The following KLF13 variants were observed in gnomAD, a reference collection of about 807,000 sequenced individuals.
The protein encoded by KLF13 is KLF transcription factor 13.
In KLF13, 8 loss-of-function variants were observed where a neutral mutation model predicts 16.7. That is an observed-to-expected ratio of 0.48 (90% CI 0.28 to 0.87). The LOEUF is 0.87. Among genes scored for constraint, KLF13 ranks in the 40% least tolerant of loss-of-function variants. The pLI, the probability that KLF13 is intolerant of heterozygous loss-of-function variation, is 0.10. For missense variants in KLF13, 447 were observed against 452.2 expected (o/e 0.99, Z 0.10); for synonymous variants, 245 against 208.4 (o/e 1.18, Z -1.51).
chr15:31,328,897 C>T lies in KLF13; in HGVS notation c.577+1108C>T, dbSNP rs888310154. On this transcript the variant is annotated intron_variant, in intron 1 of 1. Coordinates refer to ENST00000307145, the MANE Select transcript of KLF13 (RefSeq NM_015995.4). Reference sequence around the variant, plus strand: ...TCTACCTTGGGGGCAGGCTCAAAACCCGTCTACTGAATACTGTTGTCTTGT... The same window carrying T: ...TCTACCTTGGGGGCAGGCTCAAAACTCGTCTACTGAATACTGTTGTCTTGT... 2.6e-5 allele frequency among the ~76,000 whole-genome samples: 4 copies of T among 152,190 alleles called. No individual in the cohort carries two copies. In the South Asian group the frequency reaches 6.2e-4, roughly 24 times the overall value.
At chr15:31,380,591 G>T (rs1272956285), downstream of KLF13, among the ~76,000 whole-genome samples, 5 of 152,204 alleles carry the variant, frequency 3.3e-5, no homozygotes, top group East Asian at 5.8e-4. Flanking sequence ...GCTGCAGAAG[G>T]TCTTGAATAA....
chr15:31,340,494 C>T (rs958368157), intron 1 of KLF13, among the ~76,000 whole-genome samples: 1 of 152,238 alleles, frequency 6.6e-6, no homozygotes, highest in South Asian at 2.1e-4. Context: ...TCTTGTCATC[C>T]TTTCTCTGTT....
intron 1 of KLF13, among the ~76,000 whole-genome samples, chr15:31,426,199 A>G (rs576264980): frequency 2.0e-5 from 3 of 152,282 alleles, no homozygotes; most frequent in Non-Finnish European, 2.9e-5. Context: ...ACATTTTTCT[A>G]TCTTTTTCTG....
chr15:31,394,989 G>C (rs115076268), intron 2 of KLF13, among the ~76,000 whole-genome samples: 4,450 of 152,054 alleles, frequency 0.029, 208 homozygotes, highest in African/African-American at 0.1. Flanking sequence ...GTTTTGTTTT[G>C]TTTTGTTTTA....
intron 1 of KLF13, among the ~76,000 whole-genome samples, chr15:31,329,021 C>T (rs1241438222): frequency 1.3e-5 from 2 of 152,054 alleles, no homozygotes; most frequent in African/African-American, 4.8e-5. Flanking sequence ...GCTGAAGGCC[C>T]CTTTTTTTTA....
At position 31,351,131 on chromosome 15, in the gene KLF13, T is replaced by C. The variant is rs554146368; in HGVS notation, c.578-20879T>C. Among the ~76,000 whole-genome samples, 13 of 152,350 alleles carry C rather than the reference T, an allele frequency of 8.5e-5. No homozygotes were observed. In the East Asian group the frequency reaches 2.5e-3, roughly 29 times the overall value. On this transcript the variant is annotated intron_variant, in intron 1 of 1. Coordinates refer to ENST00000307145, the MANE Select transcript of KLF13 (RefSeq NM_015995.4). ...GAAAGTCTTTTCTCAGCCCGTATCA[T>C]GGACTTGCTTTTGGTGCTCTGGGCT...
downstream of KLF13, among the ~76,000 whole-genome samples, chr15:31,405,448 C>T (rs1423322870): frequency 6.6e-6 from 1 of 152,216 alleles, no homozygotes; most frequent in African/African-American, 2.4e-5. Flanking sequence ...TATGCTGGCG[C>T]CTTAATTTTA....
exon 3 of KLF13, chr15:31,403,961 A>AC (rs1373132021): frequency 4.6e-5 from 7 of 152,184 alleles, no homozygotes; most frequent in South Asian, 4.2e-4. Flanking sequence ...CAGGGAGAGG[A>AC]CCCCTCCTAC....
intron 2 of KLF13, among the ~76,000 whole-genome samples, chr15:31,397,020 G>T (rs548320325): frequency 6.6e-6 from 1 of 152,136 alleles, no homozygotes; most frequent in South Asian, 2.1e-4. Flanking sequence ...ATTTTGCAGT[G>T]GTGGTTTCAA....
At chr15:31,390,574 A>T (rs1218369258), upstream of KLF13, among the ~76,000 whole-genome samples, 2 of 152,160 alleles carry the variant, frequency 1.3e-5, no homozygotes, top group Non-Finnish European at 2.9e-5. Flanking sequence ...GTTGCTCTGC[A>T]CTTTTGTTCA....
At chr15:31,395,874 G>A (rs2039945662) in intron 2 of KLF13, among the ~76,000 whole-genome samples, 1 of 152,202 alleles carries the variant, frequency 6.6e-6, no homozygotes, top group African/African-American at 2.4e-5. Flanking sequence ...CTGCTTGGTG[G>A]TGGAGCTGAG....
upstream of KLF13, among the ~76,000 whole-genome samples, chr15:31,389,765 C>G (rs1486468750): frequency 6.6e-6 from 1 of 152,048 alleles, no homozygotes; most frequent in Non-Finnish European, 1.5e-5. Flanking sequence ...ACAGTGGGAG[C>G]CTCTACACCC....
intron 2 of KLF13, among the ~76,000 whole-genome samples, chr15:31,396,250 C>T (rs1256735511): frequency 1.3e-5 from 2 of 152,090 alleles, no homozygotes; most frequent in African/African-American, 2.4e-5. Context: ...CTCAAACTCC[C>T]GACTTCAGGT....
chr15:31,428,820 A>AAGAAAAAG (rs1555383799), intron 1 of KLF13, among the ~76,000 whole-genome samples: 11 of 72,648 alleles, frequency 1.5e-4, no homozygotes, highest in African/African-American at 1.9e-4. Context: ...AAAAAAAAAA[A>AAGAAAAAG]AAAAAGAAAA....
rs142173351 is a variant in KLF13, at chr15:31,410,429, G to A, written n.117+16738G>A. On this transcript the variant is annotated intron_variant and non_coding_transcript_variant, in intron 1 of 1. Coordinates refer to the KLF13 transcript ENST00000558225. ...CAATTTAAATTGAGAGGGACTAAAC[G>A]CATCAATTAAAAAACAGAGACCAAG... is the stretch of plus-strand genomic sequence containing the variant. Among the ~76,000 whole-genome samples, 10 of 152,034 alleles carry A rather than the reference G, an allele frequency of 6.6e-5. No homozygotes were observed. In the East Asian group the frequency reaches 9.6e-4, roughly 15 times the overall value.
In KLF13 at chr15:31,420,390, G is replaced by A. The variant is rs143946387; in HGVS notation, n.118-14980G>A. The A allele has an allele frequency of 1.6e-4, 185 of 1,147,048 alleles. 1 individual carries two copies. In the East Asian group the frequency reaches 5.2e-3, roughly 32 times the overall value. The allele number at this position is 1,147,048 out of a possible 1,614,324, so 71.1% of individuals were successfully genotyped here. On this transcript the variant is annotated intron_variant and non_coding_transcript_variant, in intron 1 of 1. Transcript: ENST00000558225. ...AAGCTCTTGCTAGAGTTCCCCAGTGGCTACCCTTACAATGAGCCCACAGTG... is the reference window on the plus strand; with the variant it reads ...AAGCTCTTGCTAGAGTTCCCCAGTGACTACCCTTACAATGAGCCCACAGTG...
chr15:31,341,862 C>T (rs956069079), intron 1 of KLF13, among the ~76,000 whole-genome samples: 1 of 152,196 alleles, frequency 6.6e-6, no homozygotes, highest in Non-Finnish European at 1.5e-5. Context: ...GCGTCTGTAT[C>T]CTCCTGGATA....
At chr15:31,346,315 C>A (rs995233109) in intron 1 of KLF13, among the ~76,000 whole-genome samples, 2 of 152,242 alleles carry the variant, frequency 1.3e-5, no homozygotes, top group Non-Finnish European at 2.9e-5. Flanking sequence ...CGGCCCTTTG[C>A]CCTGGCCACA....
chr15:31,422,128 CAAACAAAAAAA>C lies in KLF13; in HGVS notation n.118-13238_118-13228del, dbSNP rs1292240014. On this transcript the variant is annotated intron_variant and non_coding_transcript_variant, in intron 1 of 1. Coordinates refer to the KLF13 transcript ENST00000558225. ...AGACTCCATCTCAAAAACAAACAAA[CAAACAAAAAAA>C]AAAAAAAAAGAAAAAAGAAATAGAG... is the stretch of plus-strand genomic sequence containing the variant. 1.5e-4 allele frequency among the ~76,000 whole-genome samples: 5 copies of C among 32,944 alleles called. No individual in the cohort carries two copies. In the South Asian group the frequency reaches 5.8e-3, roughly 38 times the overall value. 21.6% of individuals were successfully genotyped at this position (32,944 alleles called of 152,430 possible).
Sources: allele counts gnomAD v4.1 joint callset (sites outside exome capture counted in the v4.1 genomes callset), GRCh38; gene constraint gnomAD v4.1.1; transcripts MANE v1.5; gene names NCBI Gene and HGNC (gene_info 2026-07-23, HGNC 2026-07-21).